The following FOXP2 variants were observed in gnomAD, a reference collection of about 807,000 sequenced individuals.
FOXP2 encodes forkhead box P2.
A neutral mutation model predicts 115.8 loss-of-function variants in FOXP2; 12 were observed. The ratio of observed to expected loss-of-function variants is 0.10; its 90% CI spans 0.07 to 0.17. The LOEUF is 0.17. Ranked by LOEUF, FOXP2 falls within the 10% of genes least tolerant of loss-of-function variation. The pLI, the probability that FOXP2 is intolerant of heterozygous loss-of-function variation, is 1.00. For synonymous variants in FOXP2, 328 were observed against 297.7 expected, an observed-to-expected ratio of 1.10 and a Z score of -1.05; for missense variants, 629 against 843.5, an observed-to-expected ratio of 0.75 and a Z score of 3.15.
chr7:114,176,782 G>A (rs1447774509), intron 1 of FOXP2, among the ~76,000 whole-genome samples: 2 of 151,140 alleles, frequency 1.3e-5, no homozygotes, highest in South Asian at 2.1e-4. Flanking sequence ...TTGTGTAACC[G>A]GTGCCTAGCT....
intron 1 of FOXP2, among the ~76,000 whole-genome samples, chr7:114,112,636 C>T (rs564855410): frequency 6.6e-6 from 1 of 152,120 alleles, no homozygotes; most frequent in East Asian, 1.9e-4. Flanking sequence ...CTGGTTGTTG[C>T]TAGAATGTTT....
chr7:114,281,947 C>G (rs1796347660), intron 1 of FOXP2, among the ~76,000 whole-genome samples: 1 of 152,046 alleles, frequency 6.6e-6, no homozygotes. Context: ...AGGGGTAGGT[C>G]AGTCAGGCAA....
chr7:114,434,284 A>G (rs1052069586), intron 2 of FOXP2, among the ~76,000 whole-genome samples: 2 of 151,910 alleles, frequency 1.3e-5, no homozygotes, highest in African/African-American at 4.8e-5. Flanking sequence ...AAAAATAAAT[A>G]AAGAGGTGAA....
intron 1 of FOXP2, among the ~76,000 whole-genome samples, chr7:114,136,868 C>G (rs1000661674): frequency 6.6e-6 from 1 of 151,894 alleles, no homozygotes; most frequent in East Asian, 1.9e-4. Flanking sequence ...CAATATTATT[C>G]CACAGTGAAT....
rs763537390 is a variant in FOXP2, at chr7:114,642,519, T to C, written c.885T>C (p.Asn295=). 1.9e-6 allele frequency: 3 copies of C among 1,613,770 alleles called. No individual in the cohort carries two copies. The highest frequency in any genetic ancestry group is 2.5e-6 in the Non-Finnish European group (3 of 1,179,898). ...KHGGLDLTTN[N]SSSTTSSNTS... ...GAGGGCTAGACCTCACTACTAACAA[T>C]TCCTCCTCGACTACCTCCTCCAACA... is the stretch of plus-strand genomic sequence containing the variant. The change falls in exon 7 of 17, where the codon AAT becomes AAC. Residue 295 remains asparagine (N), a synonymous_variant. Coordinates refer to ENST00000350908, the MANE Select transcript of FOXP2 (RefSeq NM_014491.4).
intron 1 of FOXP2, among the ~76,000 whole-genome samples, chr7:114,167,408 A>T (rs1793011172): frequency 6.6e-6 from 1 of 152,160 alleles, no homozygotes; most frequent in Non-Finnish European, 1.5e-5. Flanking sequence ...TGCTTTGCAG[A>T]TACTATGTTT....
chr7:114,684,007 A>G (rs971859208), intron 16 of FOXP2, among the ~76,000 whole-genome samples: 2 of 152,136 alleles, frequency 1.3e-5, no homozygotes, highest in African/African-American at 4.8e-5. Flanking sequence ...AGACTACAAT[A>G]GAACATACCT....
chr7:114,399,456 C>T (rs1469923163), intron 2 of FOXP2, among the ~76,000 whole-genome samples: 1 of 152,122 alleles, frequency 6.6e-6, no homozygotes, highest in Non-Finnish European at 1.5e-5. Flanking sequence ...GACTGGCTTA[C>T]AAGAATTCCT....
intron 1 of FOXP2, among the ~76,000 whole-genome samples, chr7:114,113,933 A>G (rs1791338950): frequency 6.6e-6 from 1 of 152,164 alleles, no homozygotes; most frequent in South Asian, 2.1e-4. Context: ...AGAGAAAGCA[A>G]CAGGAGAGGA....
intron 2 of FOXP2, among the ~76,000 whole-genome samples, chr7:114,476,322 T>A (rs995642863): frequency 2.6e-5 from 4 of 152,024 alleles, no homozygotes; most frequent in Non-Finnish European, 5.9e-5. Context: ...GGTGTCCAGT[T>A]TTATTCTTCT....
At chr7:114,523,045 A>G (rs977129753) in intron 2 of FOXP2, among the ~76,000 whole-genome samples, 10 of 152,044 alleles carry the variant, frequency 6.6e-5, no homozygotes, top group African/African-American at 2.4e-4. Flanking sequence ...TTCTTTTAAT[A>G]GTATTTTCAA....
intron 1 of FOXP2, among the ~76,000 whole-genome samples, chr7:114,254,003 C>T (rs1488612900): frequency 6.6e-6 from 1 of 152,194 alleles, no homozygotes; most frequent in Non-Finnish European, 1.5e-5. Context: ...GACAAAATCT[C>T]TCAGCATTTG....
At chr7:114,441,750 T>C (rs1229419029) in intron 2 of FOXP2, among the ~76,000 whole-genome samples, 1 of 152,164 alleles carries the variant, frequency 6.6e-6, no homozygotes, top group Non-Finnish European at 1.5e-5. Flanking sequence ...GGCATGTAAA[T>C]GAAAAACTGT....
At chr7:114,606,077 A>G (rs1803306054) in intron 3 of FOXP2, among the ~76,000 whole-genome samples, 1 of 152,200 alleles carries the variant, frequency 6.6e-6, no homozygotes, top group African/African-American at 2.4e-5. Flanking sequence ...GAGGCATTAT[A>G]GAAATGATTG....
chr7:114,110,890 A>T (rs949098349), intron 1 of FOXP2, among the ~76,000 whole-genome samples: 2 of 152,124 alleles, frequency 1.3e-5, no homozygotes, highest in Non-Finnish European at 2.9e-5. Flanking sequence ...GTGCATTTTA[A>T]ATTTTAAAAT....
chr7:114,600,414 T>G, intron 3 of FOXP2, among the ~76,000 whole-genome samples: 1 of 152,216 alleles, frequency 6.6e-6, no homozygotes, highest in East Asian at 1.9e-4. Context: ...GCTTATCCAT[T>G]CACCTATTGA....
At chr7:114,351,532 A>T (rs1791489868) in intron 2 of FOXP2, among the ~76,000 whole-genome samples, 1 of 152,118 alleles carries the variant, frequency 6.6e-6, no homozygotes, top group Non-Finnish European at 1.5e-5. Flanking sequence ...ATTGTATCAA[A>T]TATATCTTTA....
At chr7:114,515,451 C>A (rs1389455584) in intron 2 of FOXP2, among the ~76,000 whole-genome samples, 1 of 151,848 alleles carries the variant, frequency 6.6e-6, no homozygotes, top group Admixed American at 6.6e-5. Context: ...TTTTGATTTG[C>A]ATTTCTCTGA....
intron 2 of FOXP2, chr7:114,297,488 G>C (rs1316299756): frequency 9.2e-6 from 3 of 324,652 alleles, no homozygotes; most frequent in Non-Finnish European, 1.8e-5. Flanking sequence ...TTGCCTCTAA[G>C]TGCCCAATAG....
Sources: allele counts gnomAD v4.1 joint callset (sites outside exome capture counted in the v4.1 genomes callset), GRCh38; gene constraint gnomAD v4.1.1; transcripts MANE v1.5; gene names NCBI Gene and HGNC (gene_info 2026-07-23, HGNC 2026-07-21).